Variants in SLC2A4RG observed in about 807,000 individuals in gnomAD.
SLC2A4RG encodes GLUT4 enhancer factor.
SLC2A4RG carries 23 observed loss-of-function variants against 35.5 expected under a neutral mutation model. The ratio of observed to expected loss-of-function variants is 0.65; its 90% CI spans 0.47 to 0.92. SLC2A4RG has a LOEUF of 0.92. Ranked by LOEUF, SLC2A4RG falls within the 40% of genes least tolerant of loss-of-function variation. The pLI, the probability that SLC2A4RG is intolerant of heterozygous loss-of-function variation, is 0.00. For missense variants in SLC2A4RG, 539 were observed against 525.0 expected, an observed-to-expected ratio of 1.03 and a Z score of -0.26; for synonymous variants, 306 against 243.7, an observed-to-expected ratio of 1.26 and a Z score of -2.38.
rs761270964 is a variant in SLC2A4RG, at chr20:63,742,529, C to T, written c.874C>T (p.Arg292Trp). The change falls in exon 6 of 8, where the codon CGG becomes TGG. Residue 292 changes from arginine to tryptophan, a missense_variant. Coordinates refer to ENST00000266077, the MANE Select transcript of SLC2A4RG (RefSeq NM_020062.4). The stretch of plus-strand genomic sequence containing the variant: ...GCCCCCAGCCCTGCCTAGTCCCCTG[C>T]GGCCGCCTGCCCCGCCCCTGCCCCC... Reference protein sequence around the residue: ...LEPPALPSPLRPPAPPLPPPP... With the variant: ...LEPPALPSPLWPPAPPLPPPP... 5.5e-5 allele frequency: 86 copies of T among 1,560,092 alleles called. No homozygotes were observed. Among genetic ancestry groups the T allele is most frequent in the Non-Finnish European group, 6.9e-5 (79 of 1,152,372 alleles).
In SLC2A4RG at chr20:63,741,284, C is replaced by T. The variant is rs1287915152; in HGVS notation, c.282-86C>T. The T allele has an allele frequency of 2.9e-5, 35 of 1,215,986 alleles. No individual in the cohort carries two copies. The East Asian group carries it at 5.7e-4, about 20-fold the overall frequency. 75.3% of individuals were successfully genotyped at this position (1,215,986 alleles called of 1,614,324 possible). On this transcript the variant is annotated intron_variant, in intron 2 of 7. Transcript: ENST00000266077. ...GGGAGTGGGGAGCCTGGTGTGCACG[C>T]GTGCCCAGGCCTGCACGTGGACCGA...
rs2092055693 is a variant in SLC2A4RG at position 63,743,372 on chromosome 20, C to A, written c.*382C>A. The A allele has an allele frequency of 5.6e-6, 1 of 177,902 alleles. No homozygotes were observed. The highest frequency in any genetic ancestry group is 1.2e-5 in the Non-Finnish European group (1 of 83,350). 11.0% of individuals were successfully genotyped at this position (177,902 alleles called of 1,614,324 possible). On this transcript the variant is annotated 3_prime_UTR_variant, in exon 8 of 8. Coordinates refer to ENST00000266077, the MANE Select transcript of SLC2A4RG (RefSeq NM_020062.4). ...TGAGGGGTGTTGGAGAGGGGACTCC[C>A]CCACTCGCACTTAACTCAACGGCTC... is the stretch of plus-strand genomic sequence containing the variant.
Position 63,741,903 on chromosome 20 carries a change from G to T in SLC2A4RG, c.426G>T (p.Val142=). 6.2e-7 allele frequency: 1 copy of T among 1,609,852 alleles called. No individual in the cohort carries two copies. The highest frequency in any genetic ancestry group is 8.5e-7 in the Non-Finnish European group (1 of 1,178,750). Residue 142 remains valine, a synonymous_variant, in exon 4 of 8, where the codon GTG becomes GTT. Coordinates refer to ENST00000266077, the MANE Select transcript of SLC2A4RG (RefSeq NM_020062.4). ...TGGAGCCCTGGAAGGAGGCCCTGGT[G>T]CGGCCCCCAGGCAGCTACAGCAGCA... The part of the protein sequence containing the change: ...PGLEPWKEAL[V]RPPGSYSSSS...
Position 63,740,486 on chromosome 20 carries a change from CG to C in SLC2A4RG, c.240del (p.Arg82GlyfsTer108). 1.6e-6 allele frequency: 2 copies of C among 1,229,798 alleles called. No homozygotes were observed. The highest frequency in any genetic ancestry group is 2.0e-6 in the Non-Finnish European group (2 of 986,160). The allele number at this position is 1,229,798 out of a possible 1,614,324, so 76.2% of individuals were successfully genotyped here. A position where few individuals can be genotyped will look rare whatever the true frequency, so the allele number is the denominator to read the frequency against. On this transcript the variant is annotated frameshift_variant, in exon 2 of 8. Transcript: ENST00000266077. LOFTEE classifies it high-confidence loss of function. ...CCCCGGACGTGGACGGGGGCGGCGG[CG>C]GGGCCCCGGACTCCGTCGGCGCACA... ...GAPRTWTGAA[A>X]GPRTPSAHIP... is the part of the protein sequence containing the mutation.
intron 2 of SLC2A4RG, 109 bp from the exon 3 acceptor site, chr20:63,741,261 G>A (rs1261559833): frequency 2.0e-6 from 2 of 992,568 alleles, no homozygotes; most frequent in Non-Finnish European, 3.1e-6. Flanking sequence ...CCAGGGCTGG[G>A]AGTGGGGAGC....
At position 63,743,280 on chromosome 20, in the gene SLC2A4RG, C is replaced by T; in HGVS notation, c.*290C>T. ...GCCCTGGGGGCAGCCACCCTCCCGC[C>T]TGTCGGCCCGTAGATTTATCAAGGG... On this transcript the variant is annotated 3_prime_UTR_variant, in exon 8 of 8. Coordinates refer to ENST00000266077, the MANE Select transcript of SLC2A4RG (RefSeq NM_020062.4). The T allele has an allele frequency of 6.8e-6, 2 of 295,284 alleles. No homozygotes were observed. The highest frequency in any genetic ancestry group is 6.6e-5 in the South Asian group (1 of 15,070). The allele number at this position is 295,284 out of a possible 1,614,324, so 18.3% of individuals were successfully genotyped here. A position where few individuals can be genotyped will look rare whatever the true frequency, so the allele number is the denominator to read the frequency against.
rs1389944115 is a variant in SLC2A4RG at position 63,742,019 on chromosome 20, A to G, written c.542A>G (p.His181Arg). 6.2e-7 allele frequency: 1 copy of G among 1,611,938 alleles called. No homozygotes were observed. Among genetic ancestry groups the G allele is most frequent in the South Asian group, 1.1e-5 (1 of 91,040 alleles). Residue 181 changes from histidine to arginine, a missense_variant, in exon 4 of 8, where the codon CAC (histidine) becomes CGC (arginine). By Grantham distance (29) the His-to-Arg change is conservative. Transcript: ENST00000266077. ...PSPPLPPEAA[H>R]FLFGEPTLRK... The stretch of plus-strand genomic sequence containing the variant: ...CCCCCACTGCCCCCCGAGGCAGCCC[A>G]CTTTCTGTTTGGGGAGCCCACCCTG...
In SLC2A4RG at chr20:63,742,707, G is replaced by A. The variant is rs1313355104; in HGVS notation, c.969G>A (p.Leu323=). 6 of 1,594,684 alleles carry A rather than the reference G, an allele frequency of 3.8e-6. No individual in the cohort carries two copies. The highest frequency in any genetic ancestry group is 5.1e-6 in the Non-Finnish European group (6 of 1,171,950). The part of the protein sequence containing the change: ...CHSDRVYQGC[L]TPARLEPQPT... The stretch of plus-strand genomic sequence containing the variant: ...GCTGTGTCTCCCTGTAGGGCTGCCT[G>A]ACGCCCGCCCGCCTGGAGCCGCAGC... Residue 323 remains leucine, a synonymous_variant, in exon 7 of 8, where the codon CTG becomes CTA. Transcript: ENST00000266077.
rs574509554 is a variant in SLC2A4RG, at chr20:63,743,065, C to T, written c.*75C>T. On this transcript the variant is annotated 3_prime_UTR_variant, in exon 8 of 8. Coordinates refer to ENST00000266077, the MANE Select transcript of SLC2A4RG (RefSeq NM_020062.4). Reference sequence around the variant, plus strand: ...CTCCAGGCCCGGGGCTGAAACAGCCCGAGGACAGCCCCAGGGGCTGGCTTT... The same window carrying T: ...CTCCAGGCCCGGGGCTGAAACAGCCTGAGGACAGCCCCAGGGGCTGGCTTT... The T allele has an allele frequency of 1.7e-5, 18 of 1,060,720 alleles. No homozygotes were observed. Among genetic ancestry groups the T allele is most frequent in the Middle Eastern group, 2.4e-4 (1 of 4,132 alleles). The allele number at this position is 1,060,720 out of a possible 1,614,324, so 65.7% of individuals were successfully genotyped here. A position where few individuals can be genotyped will look rare whatever the true frequency, so the allele number is the denominator to read the frequency against.
Position 63,740,007 on chromosome 20 carries a change from C to T in SLC2A4RG, c.95C>T (p.Ala32Val). The T allele has an allele frequency of 2.0e-6, 2 of 980,942 alleles. No homozygotes were observed. Among genetic ancestry groups the T allele is most frequent in the Admixed American group, 6.3e-5 (1 of 15,780 alleles). 60.8% of individuals were successfully genotyped at this position (980,942 alleles called of 1,614,324 possible). The change falls in exon 1 of 8, where the codon GCC (alanine) becomes GTC (valine). Residue 32 changes from alanine to valine, a missense_variant. Physicochemically the swap from Ala to Val is moderately conservative, Grantham distance 64. Coordinates refer to ENST00000266077, the MANE Select transcript of SLC2A4RG (RefSeq NM_020062.4). ...WLRAEGPGPR[A>V]APVTVPTPPQ... ...CGCGCGGAGGGTCCGGGGCCGCGCG[C>T]CGCGCCCGTGACGGTGCCCACGCCG...
rs1363498205 is a variant in SLC2A4RG, at chr20:63,742,689, C to A, written c.961-10C>A. 1.3e-6 allele frequency: 2 copies of A among 1,597,474 alleles called. No individual in the cohort carries two copies. ...GAGGGGAGTGAAGCCCTGGCTGTGT[C>A]TCCCTGTAGGGCTGCCTGACGCCCG... On this transcript the variant is annotated splice_polypyrimidine_tract_variant and intron_variant, in intron 6 of 7. Coordinates refer to ENST00000266077, the MANE Select transcript of SLC2A4RG (RefSeq NM_020062.4).
chr20:63,742,446 C>T lies in SLC2A4RG; in HGVS notation c.791C>T (p.Ser264Phe), dbSNP rs2092047845. ...GGGCTGTCCAGCCTGACTCCAGTGT[C>T]CCCCACGGCCTCCATGCCGCCTGCC... ...TDGLSSLTPV[S>F]PTASMPPAFP... Residue 264 changes from serine to phenylalanine, a missense_variant, in exon 6 of 8, where the codon TCC (serine) becomes TTC (phenylalanine). By Grantham distance (155) the Ser-to-Phe change is radical. Coordinates refer to ENST00000266077, the MANE Select transcript of SLC2A4RG (RefSeq NM_020062.4). 5 of 1,602,852 alleles carry T rather than the reference C, an allele frequency of 3.1e-6. No homozygotes were observed. The highest frequency in any genetic ancestry group is 4.3e-6 in the Non-Finnish European group (5 of 1,175,526).
rs1207378071 is a variant in SLC2A4RG, at chr20:63,742,064, TG to T, written c.579+13del. On this transcript the variant is annotated intron_variant, in intron 4 of 7. Transcript: ENST00000266077. ...ACCCTGAGAAAAAGGAAGGTGAGCT[TG>T]GGGGCGGCCCCCAGGGAGGGGCGGG... is the stretch of plus-strand genomic sequence containing the variant. 2 of 1,611,314 alleles carry T rather than the reference TG, an allele frequency of 1.2e-6. No individual in the cohort carries two copies. The highest frequency in any genetic ancestry group is 4.5e-5 in the East Asian group (2 of 44,826).
At chr20:63,740,773 C>T (rs1328621645) in intron 2 of SLC2A4RG, among the ~76,000 whole-genome samples, 1 of 152,194 alleles carries the variant, frequency 6.6e-6, no homozygotes, top group Non-Finnish European at 1.5e-5. Flanking sequence ...GGCTGTGCGT[C>T]TCTGTGCAGA....
rs960357815 is a variant in SLC2A4RG, at chr20:63,740,418, G to T, written c.168G>T (p.Ala56=). The T allele has an allele frequency of 1.5e-5, 18 of 1,229,634 alleles. No homozygotes were observed. Among genetic ancestry groups the T allele is most frequent in the Middle Eastern group, 3.1e-4 (1 of 3,212 alleles). The allele number at this position is 1,229,634 out of a possible 1,614,324, so 76.2% of individuals were successfully genotyped here. A position where few individuals can be genotyped will look rare whatever the true frequency, so the allele number is the denominator to read the frequency against. Residue 56 remains alanine, a synonymous_variant, in exon 2 of 8, where the codon GCG becomes GCT. Coordinates refer to ENST00000266077, the MANE Select transcript of SLC2A4RG (RefSeq NM_020062.4). The part of the protein sequence containing the change: ...VGGGFAGLEF[A]RPQESEPRAS... ...GCGGCTTCGCGGGCTTGGAGTTCGC[G>T]CGGCCGCAGGAGTCGGAGCCGCGGG...
chr20:63,740,213 C>T, intron 1 of SLC2A4RG, 164 bp from the exon 2 acceptor site: 1 of 416,252 alleles, frequency 2.4e-6, no homozygotes, highest in East Asian at 1.1e-4. Flanking sequence ...GGGAGCCCTT[C>T]CCGCCGCGCC....
chr20:63,741,480 G>A lies in SLC2A4RG; in HGVS notation c.391+1G>A. ...GCCCCGGTTGCAGCCTTCAGCCCAG[G>A]TAAGACTCAGATGTCTGCATTTAGG... is the stretch of plus-strand genomic sequence containing the variant. On this transcript the variant is annotated splice_donor_variant, in intron 3 of 7. Transcript: ENST00000266077. LOFTEE classifies it high-confidence loss of function. 6.2e-7 allele frequency: 1 copy of A among 1,612,384 alleles called. No individual in the cohort carries two copies. Among genetic ancestry groups the A allele is most frequent in the Non-Finnish European group, 8.5e-7 (1 of 1,179,118 alleles).
Position 63,742,478 on chromosome 20 carries a change from C to A in SLC2A4RG, c.823C>A (p.Arg275Ser), listed in dbSNP as rs142830093. The change falls in exon 6 of 8, where the codon CGC becomes AGC. Residue 275 changes from arginine to serine, a missense_variant. Physicochemically the swap from Arg to Ser is moderately radical, Grantham distance 110. Coordinates refer to ENST00000266077, the MANE Select transcript of SLC2A4RG (RefSeq NM_020062.4). ...GGCCTCCATGCCGCCTGCCTTCCCC[C>A]GCCTGGAGCTGCCAGAGCTGCTGGA... is the stretch of plus-strand genomic sequence containing the variant. ...PTASMPPAFP[R>S]LELPELLEPP... The A allele has an allele frequency of 1.3e-6, 2 of 1,585,414 alleles. No homozygotes were observed. Among genetic ancestry groups the A allele is most frequent in the South Asian group, 2.3e-5 (2 of 87,950 alleles).
chr20:63,742,104 C>CCTGA (rs773074926), intron 4 of SLC2A4RG, 26 bp from the exon 5 acceptor site: 8 of 1,602,946 alleles, frequency 5.0e-6, no homozygotes. Context: ...GGCGGCTGAG[C>CCTGA]CTGACCCTGG....
Sources: allele counts gnomAD v4.1 joint callset (sites outside exome capture counted in the v4.1 genomes callset), GRCh38; gene constraint gnomAD v4.1.1; transcripts MANE v1.5; gene names NCBI Gene and HGNC (gene_info 2026-07-23, HGNC 2026-07-21).